The following CMIP variants were observed in gnomAD, a reference collection of about 807,000 sequenced individuals.
CMIP encodes the protein c-Maf inducing protein.
In CMIP, 13 loss-of-function variants were observed where a neutral mutation model predicts 97.3. The ratio of observed to expected loss-of-function variants is 0.13; its 90% CI spans 0.09 to 0.21. CMIP has a LOEUF of 0.21. Ranked by LOEUF, CMIP falls within the 10% of genes least tolerant of loss-of-function variation. The pLI is 1.00. For synonymous variants in CMIP, 538 were observed against 436.3 expected (o/e 1.23, Z -2.91); for missense variants, 847 against 1,024.9 (o/e 0.83, Z 2.37).
At chr16:81,691,547 C>T (rs1906077474) in intron 10 of CMIP, 2 of 585,780 alleles carry the variant, frequency 3.4e-6, no homozygotes, top group African/African-American at 3.7e-5. Flanking sequence ...ACAGCTCACC[C>T]CCTCGGGTGC....
intron 10 of CMIP, among the ~76,000 whole-genome samples, chr16:81,686,505 C>T (rs1356458681): frequency 3.3e-5 from 5 of 152,194 alleles, no homozygotes; most frequent in South Asian, 2.1e-4. Flanking sequence ...CCTCACATAC[C>T]GCTCTGGAGA....
intron 10 of CMIP, among the ~76,000 whole-genome samples, chr16:81,682,304 C>A (rs922918563): frequency 6.6e-6 from 1 of 152,190 alleles, no homozygotes; most frequent in Non-Finnish European, 1.5e-5. Flanking sequence ...GTGGCTCACA[C>A]CTGTAATCCC....
chr16:81,504,641 C>CAAAAAAAA (rs149715666), intron 1 of CMIP, among the ~76,000 whole-genome samples: 95 of 71,860 alleles, frequency 1.3e-3, no homozygotes, highest in Non-Finnish European at 1.9e-3. Flanking sequence ...AGACTCGTCT[C>CAAAAAAAA]AAAAAAAAAA....
chr16:81,588,631 C>T (rs554456662), intron 1 of CMIP, among the ~76,000 whole-genome samples: 1 of 152,244 alleles, frequency 6.6e-6, no homozygotes, highest in South Asian at 2.1e-4. Context: ...CTGTTATCTG[C>T]TTGGTTTGCT....
At chr16:81,572,453 G>A (rs375404301) in intron 1 of CMIP, among the ~76,000 whole-genome samples, 2 of 152,330 alleles carry the variant, frequency 1.3e-5, no homozygotes, top group Admixed American at 6.5e-5. Flanking sequence ...ATTCCTAAGC[G>A]GTACTTCTCT....
chr16:81,642,451 T>C (rs765606808), intron 3 of CMIP, among the ~76,000 whole-genome samples: 4 of 152,132 alleles, frequency 2.6e-5, no homozygotes, highest in Non-Finnish European at 5.9e-5. Context: ...AGTTCAGTAA[T>C]TGTGTGGGGT....
At chr16:81,576,230 C>T (rs2091186683) in intron 1 of CMIP, among the ~76,000 whole-genome samples, 1 of 152,146 alleles carries the variant, frequency 6.6e-6, no homozygotes, top group South Asian at 2.1e-4. Context: ...ATGGTGAAAC[C>T]CCGTCTCTAC....
At chr16:81,507,819 G>GA (rs2150786817) in intron 1 of CMIP, among the ~76,000 whole-genome samples, 1 of 152,288 alleles carries the variant, frequency 6.6e-6, no homozygotes, top group African/African-American at 2.4e-5. Context: ...GTTCTTGGGG[G>GA]AACAAGAGGA....
intron 10 of CMIP, among the ~76,000 whole-genome samples, chr16:81,684,799 C>T (rs928678197): frequency 5.3e-5 from 8 of 152,240 alleles, no homozygotes; most frequent in African/African-American, 1.9e-4. Flanking sequence ...TCCGTCCAAG[C>T]TGGGAAGGGC....
At chr16:81,510,255 G>A (rs1364721234) in intron 1 of CMIP, among the ~76,000 whole-genome samples, 1 of 152,154 alleles carries the variant, frequency 6.6e-6, no homozygotes, top group Non-Finnish European at 1.5e-5. Context: ...GGAGCTCCAC[G>A]GAGCAGGTGT....
rs370439039 is a variant in CMIP, at chr16:81,681,013, C to T, written c.1388+2385C>T. On this transcript the variant is annotated intron_variant, in intron 10 of 20. Coordinates refer to ENST00000537098, the MANE Select transcript of CMIP (RefSeq NM_198390.3). ...TTCTCCCCCATCTGCGTCCAGACCC[C>T]CTGCCTGCCCGCATCACCCAGCTGC... Among the ~76,000 whole-genome samples, 9 of 152,344 alleles carry T rather than the reference C, an allele frequency of 5.9e-5. No homozygotes were observed. In the East Asian group the frequency reaches 1.7e-3, roughly 29 times the overall value.
chr16:81,560,496 G>A (rs571205970), intron 1 of CMIP, among the ~76,000 whole-genome samples: 2 of 152,272 alleles, frequency 1.3e-5, no homozygotes, highest in East Asian at 3.9e-4. Context: ...GGGATTACAG[G>A]CGTGAGCCAC....
chr16:81,686,849 A>G (rs890493850), intron 10 of CMIP, among the ~76,000 whole-genome samples: 3 of 152,102 alleles, frequency 2.0e-5, no homozygotes, highest in African/African-American at 7.2e-5. Flanking sequence ...ACCGATACAC[A>G]GTGTATCTGT....
At chr16:81,512,274 AC>A (rs1410334140) in intron 1 of CMIP, among the ~76,000 whole-genome samples, 1 of 151,964 alleles carries the variant, frequency 6.6e-6, no homozygotes, top group East Asian at 1.9e-4. Context: ...CAGTTGCCTC[AC>A]TCCAGGGTCC....
chr16:81,675,463 C>T (rs1448188957), intron 9 of CMIP, among the ~76,000 whole-genome samples: 2 of 151,650 alleles, frequency 1.3e-5, no homozygotes, highest in Non-Finnish European at 2.9e-5. Flanking sequence ...AAGTGAAATG[C>T]CCCCCTTAGC....
intron 1 of CMIP, among the ~76,000 whole-genome samples, chr16:81,541,925 C>T (rs2090456889): frequency 6.6e-6 from 1 of 152,212 alleles, no homozygotes; most frequent in African/African-American, 2.4e-5. Context: ...AACGAAATGT[C>T]TATTTCATGT....
chr16:81,455,601 A>G lies in CMIP; in HGVS notation c.300+10060A>G, dbSNP rs184282195. ...GTACTGAAAGCAGGGGATTGCGTAC[A>G]TGGTGTCTCCAACACATGGCCCAGC... is the stretch of plus-strand genomic sequence containing the variant. On this transcript the variant is annotated intron_variant, in intron 1 of 20. Transcript: ENST00000537098. Among the ~76,000 whole-genome samples, 19 of 152,066 alleles carry G rather than the reference A, an allele frequency of 1.2e-4. No individual in the cohort carries two copies. The East Asian group carries it at 3.3e-3, about 26-fold the overall frequency.
chr16:81,556,671 C>G (rs963877882), intron 1 of CMIP, among the ~76,000 whole-genome samples: 1 of 152,198 alleles, frequency 6.6e-6, no homozygotes, highest in Non-Finnish European at 1.5e-5. Flanking sequence ...TGGAGGCCGA[C>G]AGTGGCGATG....
At chr16:81,699,423 T>C (rs4889368) in intron 14 of CMIP, among the ~76,000 whole-genome samples, 15,946 of 152,192 alleles carry the variant, frequency 0.1, 861 homozygotes, top group East Asian at 0.16. Context: ...AAAGACAGAA[T>C]GAAAAGAGGG....
Sources: allele counts gnomAD v4.1 joint callset (sites outside exome capture counted in the v4.1 genomes callset), GRCh38; gene constraint gnomAD v4.1.1; transcripts MANE v1.5; gene names NCBI Gene and HGNC (gene_info 2026-07-23, HGNC 2026-07-21).